NEB: variants seen among roughly 807,000 people sequenced by gnomAD.
The protein encoded by NEB is nebulin.
NEB carries 512 observed loss-of-function variants against 952.2 expected under a neutral mutation model. That is an observed-to-expected ratio of 0.54 (90% confidence interval 0.50 to 0.58). NEB has a LOEUF of 0.58. Among genes scored for constraint, NEB ranks in the 20% least tolerant of loss-of-function variants. The pLI, the probability that NEB is intolerant of heterozygous loss-of-function variation, is 0.00. For missense variants in NEB, 8,428 were observed against 9,231.1 expected (o/e 0.91, Z 3.56); for synonymous variants, 2,900 against 3,149.8 (o/e 0.92, Z 2.66).
rs1012509956 is a variant in NEB at position 151,496,824 on chromosome 2, TAAAG to T, written c.24393+113_24393+116del. On this transcript the variant is annotated intron_variant, in intron 172 of 181. Coordinates refer to ENST00000397345, the MANE Select transcript of NEB (RefSeq NM_001164508.2). ...CCAAAGGAAAAAAGGATAAATTTGCTAAAGAAAGAAGTTCACAAAATTTGTCTTT... is the reference window on the plus strand; with the variant it reads ...CCAAAGGAAAAAAGGATAAATTTGCTAAAGAAGTTCACAAAATTTGTCTTT... 1.0e-4 allele frequency: 127 copies of T among 1,238,894 alleles called. No homozygotes were observed. In the East Asian group the frequency reaches 1.5e-3, roughly 15 times the overall value. 76.7% of individuals were successfully genotyped at this position (1,238,894 alleles called of 1,614,324 possible). A position where few individuals can be genotyped will look rare whatever the true frequency, so the allele number is the denominator to read the frequency against.
chr2:151,720,111 T>A (rs946136885), intron 9 of NEB, among the ~76,000 whole-genome samples: 1 of 151,982 alleles, frequency 6.6e-6, no homozygotes, highest in Non-Finnish European at 1.5e-5. Flanking sequence ...TCTGTTGTTA[T>A]GGAGAATAAT....
intron 109 of NEB, 93 bp downstream of exon 109, chr2:151,569,988 G>T: frequency 7.8e-7 from 1 of 1,277,816 alleles, no homozygotes; most frequent in Non-Finnish European, 1.1e-6. Context: ...ATATGAAGTC[G>T]TAAAATGATG....
chr2:151,506,220 G>T lies in NEB; in HGVS notation c.23595C>A (p.Ile7865=), dbSNP rs370825760. ...CTCTCATCATCTCAGGTGTCTTTCC[G>T]ATAGCCGTTCCTGGTGAGACATCCT... The part of the protein sequence containing the change: ...YKEDVSPGTA[I]GKTPEMMRVK... The change falls in exon 164 of 182, where the codon ATC becomes ATA. Residue 7865 remains isoleucine, a synonymous_variant. Coordinates refer to ENST00000397345, the MANE Select transcript of NEB (RefSeq NM_001164508.2). 2 of 1,613,502 alleles carry T rather than the reference G, an allele frequency of 1.2e-6. No homozygotes were observed. The highest frequency in any genetic ancestry group is 1.7e-6 in the Non-Finnish European group (2 of 1,179,580).
chr2:151,629,715 C>T (rs2154068802), intron 67 of NEB, 69 bp from the exon 68 acceptor site: 1 of 1,311,298 alleles, frequency 7.6e-7, no homozygotes, highest in Non-Finnish European at 1.1e-6. Flanking sequence ...TATTAAGTGA[C>T]TTATATCCTA....
chr2:151,657,353 G>A (rs1330201049), intron 48 of NEB, among the ~76,000 whole-genome samples: 1 of 152,122 alleles, frequency 6.6e-6, no homozygotes, highest in African/African-American at 2.4e-5. Flanking sequence ...CCCTGTGAGT[G>A]GATTTCTTGT....
chr2:151,485,806 G>A lies in NEB; in HGVS notation c.25532C>T (p.Thr8511Ile). ...GGCTGGGAGCATTCCGGTCCTGCCA[G>A]TCCTCTGCACAGTGCCATACATCCA... Reference protein sequence around the residue: ...EGWMYGTVQRTGRTGMLPANY... With the variant: ...EGWMYGTVQRIGRTGMLPANY... The change falls in exon 182 of 182, where the codon ACT becomes ATT. Residue 8511 changes from threonine (T) to isoleucine (I), a missense_variant. This residue lies in a region of NEB where 3,374 missense variants were observed against 3,651.5 expected (regional missense o/e 0.92). Transcript: ENST00000397345. 1 of 1,613,644 alleles carries A rather than the reference G, an allele frequency of 6.2e-7. No individual in the cohort carries two copies. The highest frequency in any genetic ancestry group is 8.5e-7 in the Non-Finnish European group (1 of 1,179,624).
chr2:151,498,108 G>C (rs2061559601), intron 170 of NEB, 152 bp downstream of exon 170: 8 of 1,501,702 alleles, frequency 5.3e-6, no homozygotes, highest in South Asian at 1.3e-5. Flanking sequence ...GACATTAACT[G>C]TATTATAGAA....
In NEB at chr2:151,684,718, A is replaced by C. The variant is rs1018634037; in HGVS notation, c.2835+60T>G. On this transcript the variant is annotated intron_variant, in intron 28 of 181. Coordinates refer to ENST00000397345, the MANE Select transcript of NEB (RefSeq NM_001164508.2). ...AAGTGCAAAAACCTCACTCAACTTC[A>C]AAGTCCATTTCAGTTTCCATCTTTT... The C allele has an allele frequency of 3.5e-6, 5 of 1,422,398 alleles. No homozygotes were observed. The African/African-American group carries it at 7.2e-5, about 20-fold the overall frequency. 88.1% of individuals were successfully genotyped at this position (1,422,398 alleles called of 1,614,324 possible).
At chr2:151,543,560 G>A (rs2094354637) in intron 135 of NEB, among the ~76,000 whole-genome samples, 1 of 152,214 alleles carries the variant, frequency 6.6e-6, no homozygotes, top group Admixed American at 6.5e-5. Context: ...TGCTAAAGTT[G>A]TGAATTACAT....
intron 128 of NEB, among the ~76,000 whole-genome samples, chr2:151,552,152 G>C (rs140856614): frequency 6.6e-6 from 1 of 152,354 alleles, no homozygotes; most frequent in East Asian, 1.9e-4. Flanking sequence ...AATAAAGAAA[G>C]AGCAGCTTTG....
At position 151,656,442 on chromosome 2, in the gene NEB, T is replaced by C. The variant is rs2099086016; in HGVS notation, c.6206A>G (p.Glu2069Gly). The change falls in exon 49 of 182, where the codon GAA (glutamate) becomes GGA (glycine). Residue 2069 changes from glutamate (E) to glycine (G), a missense_variant. Around this residue, in one of 11 missense-constraint regions of NEB, gnomAD observed 2,851 missense variants for 2,791.5 expected, o/e 1.02. Coordinates refer to ENST00000397345, the MANE Select transcript of NEB (RefSeq NM_001164508.2). The stretch of plus-strand genomic sequence containing the variant: ...ACCAACCATTTTCCCCTTCCCTTTT[T>C]CATAATTGTACTTGTATTTATACTG... ...ASDYKYKYNY[E>G]KGKGKMVGFR... 1 of 1,612,116 alleles carries C rather than the reference T, an allele frequency of 6.2e-7. No individual in the cohort carries two copies. The highest frequency in any genetic ancestry group is 1.7e-5 in the Admixed American group (1 of 59,912).
chr2:151,550,266 CAAAAAAAAAAAAAA>C (rs57057802), intron 129 of NEB, among the ~76,000 whole-genome samples: 12 of 73,366 alleles, frequency 1.6e-4, no homozygotes, highest in Admixed American at 1.1e-3. Context: ...ACCCTGTCTC[CAAAAAAAAAAAAAA>C]AAAAAAAAAA....
At chr2:151,554,189 A>T (rs554456375) in intron 125 of NEB, among the ~76,000 whole-genome samples, 164 bp from the exon 126 acceptor site, 31 of 152,294 alleles carry the variant, frequency 2.0e-4, no homozygotes, top group Non-Finnish European at 4.3e-4. Context: ...GGAAATTTTT[A>T]AAAAATAAAG....
At chr2:151,554,455 A>C (rs1455917505) in intron 125 of NEB, among the ~76,000 whole-genome samples, 1 of 152,138 alleles carries the variant, frequency 6.6e-6, no homozygotes, top group Non-Finnish European at 1.5e-5. Context: ...GTTACTCAGC[A>C]GGCTGAGGTG....
chr2:151,713,895 T>A (rs1462556589), intron 10 of NEB, among the ~76,000 whole-genome samples: 1 of 152,176 alleles, frequency 6.6e-6, no homozygotes, highest in Non-Finnish European at 1.5e-5. Context: ...ATTAGTGTAA[T>A]CACTGCAGAT....
At chr2:151,527,085 TG>T in intron 147 of NEB, 63 bp from the exon 148 acceptor site, 1 of 1,091,804 alleles carries the variant, frequency 9.2e-7, no homozygotes, top group Non-Finnish European at 1.4e-6. Flanking sequence ...GCTGGGCATT[TG>T]ATTAAACACA....
chr2:151,620,879 G>C (rs1574010751), intron 72 of NEB, 40 bp downstream of exon 72: 3 of 1,466,180 alleles, frequency 2.0e-6, no homozygotes, highest in African/African-American at 2.8e-5. Context: ...TGTGTGGCTG[G>C]CATGATGGTA....
At chr2:151,518,503 T>G in intron 155 of NEB, 81 bp from the exon 156 acceptor site, 4 of 836,350 alleles carry the variant, frequency 4.8e-6, no homozygotes, top group Non-Finnish European at 6.0e-6. Context: ...ATTAGACGTT[T>G]ACACAGCACC....
At chr2:151,694,180 T>C (rs1053637939) in intron 20 of NEB, 143 bp downstream of exon 20, 3 of 748,966 alleles carry the variant, frequency 4.0e-6, no homozygotes, top group Non-Finnish European at 6.6e-6. Context: ...TTCATCTTCC[T>C]TTAGCACCTG....
Sources: gnomAD v4.1 joint callset for allele counts (sites outside exome capture counted in the v4.1 genomes callset) on GRCh38, gnomAD v4.1.1 for gene constraint, gnomAD v4.1.1 regional missense constraint, MANE v1.5 for transcripts, NCBI Gene and HGNC (gene_info 2026-07-23, HGNC 2026-07-21) for gene names.